Variants in HSPH1 observed in about 807,000 individuals in gnomAD.
HSPH1 encodes heat shock protein family H (Hsp110) member 1, also known as heat shock protein 105 kDa.
A neutral mutation model predicts 100.0 loss-of-function variants in HSPH1; 40 were observed. The ratio of observed to expected loss-of-function variants is 0.40; its 90% confidence interval spans 0.31 to 0.52. HSPH1 has a LOEUF of 0.52. Ranked by LOEUF, HSPH1 falls within the 20% of genes least tolerant of loss-of-function variation. HSPH1 has a pLI of 0.54. For missense variants in HSPH1, 876 were observed against 1,015.1 expected, an observed-to-expected ratio of 0.86 and a Z score of 1.86; for synonymous variants, 403 against 344.0, an observed-to-expected ratio of 1.17 and a Z score of -1.90.
rs1479660570 is a variant in HSPH1, at chr13:31,135,124, A to T, written c.*2194T>A. ...ACTAGGTATATATCACAACTGTTTG[A>T]GCCAATGATATTAATACGTTATTAT... On this transcript the variant is annotated 3_prime_UTR_variant, in exon 18 of 18. Transcript: ENST00000320027. The T allele has an allele frequency of 6.6e-6, 1 of 152,226 alleles. No individual in the cohort carries two copies. Among genetic ancestry groups the T allele is most frequent in the Non-Finnish European group, 1.5e-5 (1 of 68,026 alleles). 9.4% of individuals were successfully genotyped at this position (152,226 alleles called of 1,614,324 possible).
chr13:31,161,876 C>CA lies in HSPH1; in HGVS notation c.-295dup. 6.7e-7 allele frequency: 1 copy of CA among 1,486,532 alleles called. No individual in the cohort carries two copies. The highest frequency in any genetic ancestry group is 8.9e-7 in the Non-Finnish European group (1 of 1,119,830). The allele number at this position is 1,486,532 out of a possible 1,614,324, so 92.1% of individuals were successfully genotyped here. A position where few individuals can be genotyped will look rare whatever the true frequency, so the allele number is the denominator to read the frequency against. ...CTGCCTCACTCTGCCGCGGCTCGCA[C>CA]ACCGGCGCCGGCGCTGAACTACCGA... On this transcript the variant is annotated 5_prime_UTR_variant, in exon 1 of 18. Transcript: ENST00000320027.
rs1476516633 is a variant in HSPH1 at position 31,139,096 on chromosome 13, A to C, written c.1992T>G (p.Asn664Lys). ...CAGTTTCTGTGAGGAGTCTCAAAAA[A>C]TTTTGATGATCCTTAACACAAAATA... is the stretch of plus-strand genomic sequence containing the variant. ...EKFICEQDHQ[N>K]FLRLLTETED... The change falls in exon 15 of 18, where the codon AAT becomes AAG. Residue 664 changes from asparagine (N) to lysine (K), a missense_variant. Asn to Lys is a moderately conservative substitution (Grantham distance 94). Coordinates refer to ENST00000320027, the MANE Select transcript of HSPH1 (RefSeq NM_006644.4). The C allele has an allele frequency of 6.2e-7, 1 of 1,604,830 alleles. No homozygotes were observed.
At chr13:31,161,947 A>G (rs1263951953), upstream of HSPH1, 4 of 1,535,826 alleles carry the variant, frequency 2.6e-6, no homozygotes, top group East Asian at 2.4e-5. Flanking sequence ...TATCGCACTG[A>G]TCAGAACTTT....
In HSPH1 at chr13:31,150,946, C is replaced by T; in HGVS notation, c.908+1G>A. ...TTTAATCTGTAGAATTCAAGACACA[C>T]CTGTTCATCTTTCCGGAAACATCTT... On this transcript the variant is annotated splice_donor_variant, in intron 7 of 17. Transcript: ENST00000320027. LOFTEE classifies it high-confidence loss of function. 6.2e-7 allele frequency: 1 copy of T among 1,609,162 alleles called. No homozygotes were observed. Among genetic ancestry groups the T allele is most frequent in the Non-Finnish European group, 8.5e-7 (1 of 1,177,820 alleles).
At chr13:31,142,082 C>T (rs1342027845) in intron 12 of HSPH1, among the ~76,000 whole-genome samples, 1 of 152,002 alleles carries the variant, frequency 6.6e-6, no homozygotes, top group Admixed American at 6.6e-5. Flanking sequence ...CACAACTGAG[C>T]AGACTCAGTT....
chr13:31,157,280 G>A (rs995901272), intron 2 of HSPH1, among the ~76,000 whole-genome samples: 5 of 152,116 alleles, frequency 3.3e-5, no homozygotes, highest in African/African-American at 1.2e-4. Flanking sequence ...TATCCTCAAT[G>A]GGCACATTTA....
intron 12 of HSPH1, among the ~76,000 whole-genome samples, chr13:31,143,523 G>T (rs180850499): frequency 1.2e-3 from 176 of 152,182 alleles, no homozygotes; most frequent in African/African-American, 4.1e-3. Context: ...GAAAGACAAC[G>T]AACAGTATAC....
At chr13:31,152,376 G>A (rs1263878175) in intron 5 of HSPH1, 1 of 152,834 alleles carries the variant, frequency 6.5e-6, no homozygotes, top group African/African-American at 2.4e-5. Context: ...AGAAAGAGAT[G>A]CTGTAATCAC....
chr13:31,148,239 A>G, intron 9 of HSPH1, 135 bp downstream of exon 9: 1 of 1,080,610 alleles, frequency 9.3e-7, no homozygotes, highest in Non-Finnish European at 1.4e-6. Flanking sequence ...ATTTTGGTAG[A>G]TTTGGTTGTT....
intron 9 of HSPH1, 41 bp from the exon 10 acceptor site, chr13:31,148,133 T>G (rs1956337135): frequency 6.4e-7 from 1 of 1,572,870 alleles, no homozygotes; most frequent in South Asian, 1.2e-5. Flanking sequence ...ATGAAGAACT[T>G]AAAATATGCT....
chr13:31,155,666 A>G lies in HSPH1; in HGVS notation c.166-12T>C. On this transcript the variant is annotated splice_polypyrimidine_tract_variant and intron_variant, in intron 2 of 17. Transcript: ENST00000320027. ...GCATGAGTGATTTGCTGCAAAAAGA[A>G]GTTTGAGATTTTAATTTTTTTCTTT... 2 of 1,569,260 alleles carry G rather than the reference A, an allele frequency of 1.3e-6. No individual in the cohort carries two copies. Among genetic ancestry groups the G allele is most frequent in the East Asian group, 2.2e-5 (1 of 44,524 alleles).
intron 5 of HSPH1, chr13:31,152,434 C>A: frequency 5.5e-6 from 1 of 180,654 alleles, no homozygotes; most frequent in Non-Finnish European, 1.2e-5. Flanking sequence ...ATAGTACAGG[C>A]TTAAAGCAAT....
intron 17 of HSPH1, among the ~76,000 whole-genome samples, chr13:31,138,073 G>T (rs917694803): frequency 6.6e-6 from 1 of 152,050 alleles, no homozygotes; most frequent in Non-Finnish European, 1.5e-5. Flanking sequence ...ACACAGGCTT[G>T]TTTACTGTTG....
rs1956542058 is a variant in HSPH1 at position 31,152,959 on chromosome 13, C to T, written c.430-8G>A. On this transcript the variant is annotated splice_polypyrimidine_tract_variant and splice_region_variant and intron_variant, in intron 4 of 17. Transcript: ENST00000320027. ...TGTAAAGAAGGAGGGGACCTACAAA[C>T]AAACAAAAAATTTTGAATTATCTAG... 1.3e-6 allele frequency: 2 copies of T among 1,592,912 alleles called. No individual in the cohort carries two copies. The highest frequency in any genetic ancestry group is 1.7e-6 in the Non-Finnish European group (2 of 1,163,088).
chr13:31,156,146 T>G (rs1056648787), intron 2 of HSPH1, among the ~76,000 whole-genome samples: 2 of 152,090 alleles, frequency 1.3e-5, no homozygotes, highest in African/African-American at 4.8e-5. Flanking sequence ...ATCCCAGCAC[T>G]TTGGGAGGCC....
chr13:31,135,284 C>T lies in HSPH1; in HGVS notation c.*2034G>A, dbSNP rs900537517. 10 of 136,104 alleles carry T rather than the reference C, an allele frequency of 7.3e-5. No individual in the cohort carries two copies. Among genetic ancestry groups the T allele is most frequent in the Non-Finnish European group, 1.0e-4 (7 of 67,812 alleles). The allele number at this position is 136,104 out of a possible 1,614,324, so 8.4% of individuals were successfully genotyped here. ...GAGGAAAAACATGTTTTCCCATTCACAGTTTTTAAAAATCTTTTTTAATGG... is the reference window on the plus strand; with the variant it reads ...GAGGAAAAACATGTTTTCCCATTCATAGTTTTTAAAAATCTTTTTTAATGG... On this transcript the variant is annotated 3_prime_UTR_variant, in exon 18 of 18. Transcript: ENST00000320027.
intron 10 of HSPH1, among the ~76,000 whole-genome samples, chr13:31,146,912 C>A (rs907468437): frequency 6.6e-6 from 1 of 152,148 alleles, no homozygotes; most frequent in African/African-American, 2.4e-5. Context: ...ATTTAAAGTG[C>A]TGTCTATATA....
chr13:31,160,712 TTC>T lies in HSPH1; in HGVS notation c.107+762_107+763del, dbSNP rs549471756. Among the ~76,000 whole-genome samples, 7 of 152,222 alleles carry T rather than the reference TTC, an allele frequency of 4.6e-5. No individual in the cohort carries two copies. The South Asian group carries it at 1.2e-3, about 27-fold the overall frequency. On this transcript the variant is annotated intron_variant, in intron 1 of 17. Coordinates refer to ENST00000320027, the MANE Select transcript of HSPH1 (RefSeq NM_006644.4). ...CTAGCACAAAAGTATGCAATTTTTA[TTC>T]TCTTTTAAATAAACTGTGCAAAATT...
chr13:31,153,031 A>C (rs1056625534), intron 4 of HSPH1, 80 bp from the exon 5 acceptor site: 17 of 977,840 alleles, frequency 1.7e-5, no homozygotes, highest in Non-Finnish European at 2.6e-5. Context: ...TTATAAATTC[A>C]CAACAGTCCA....
Sources: allele counts gnomAD v4.1 joint callset (sites outside exome capture counted in the v4.1 genomes callset), GRCh38; gene constraint gnomAD v4.1.1; transcripts MANE v1.5; gene names NCBI Gene and HGNC (gene_info 2026-07-23, HGNC 2026-07-21).